The following PRDM5 variants were observed in gnomAD, a reference collection of about 807,000 sequenced individuals.
PRDM5 encodes PR domain zinc finger protein 5.
In PRDM5, 56 loss-of-function variants were observed where a neutral mutation model predicts 81.2. That is an observed-to-expected ratio of 0.69 (90% CI 0.56 to 0.86). The LOEUF is 0.86. PRDM5 is among the 40% of genes least tolerant of loss of function. PRDM5 has a pLI of 0.00. For synonymous variants in PRDM5, 267 were observed against 256.4 expected (o/e 1.04, Z -0.39); for missense variants, 697 against 770.1 (o/e 0.91, Z 1.12).
At chr4:120,699,797 C>T (rs1288306530) in intron 15 of PRDM5, among the ~76,000 whole-genome samples, 1 of 152,068 alleles carries the variant, frequency 6.6e-6, no homozygotes, top group Admixed American at 6.6e-5. Context: ...ATATTTCATG[C>T]TTAGAGATTG....
At chr4:120,705,928 G>A (rs1474803615) in intron 15 of PRDM5, among the ~76,000 whole-genome samples, 4 of 152,152 alleles carry the variant, frequency 2.6e-5, no homozygotes, top group Middle Eastern at 3.2e-3. Flanking sequence ...TGGATTAGAT[G>A]TAGGGTGTGA....
chr4:120,749,890 T>C (rs1024697636), intron 14 of PRDM5, among the ~76,000 whole-genome samples: 1 of 152,122 alleles, frequency 6.6e-6, no homozygotes, highest in African/African-American at 2.4e-5. Flanking sequence ...CTCTTTCTCA[T>C]GCCCCAAACC....
chr4:120,719,198 T>C (rs920609007), intron 14 of PRDM5, among the ~76,000 whole-genome samples: 4 of 152,198 alleles, frequency 2.6e-5, no homozygotes, highest in Non-Finnish European at 5.9e-5. Flanking sequence ...TTCCACCCAG[T>C]TGTGACAACC....
At chr4:120,746,386 G>C (rs1193435564) in intron 14 of PRDM5, among the ~76,000 whole-genome samples, 9 of 146,668 alleles carry the variant, frequency 6.1e-5, no homozygotes, top group Non-Finnish European at 1.2e-4. Flanking sequence ...AGGACTTCAT[G>C]TCTAAAACAC....
At chr4:120,815,014 A>T (rs919371192) in intron 7 of PRDM5, among the ~76,000 whole-genome samples, 2 of 152,244 alleles carry the variant, frequency 1.3e-5, no homozygotes, top group African/African-American at 4.8e-5. Context: ...CATTGTGCTT[A>T]TAGCACAGCC....
At chr4:120,810,333 A>G (rs1305212323) in intron 8 of PRDM5, 1 of 152,162 alleles carries the variant, frequency 6.6e-6, no homozygotes, top group Non-Finnish European at 1.5e-5. Flanking sequence ...TTGTCTCTGC[A>G]GAAGATGAAC....
At position 120,905,395 on chromosome 4, in the gene PRDM5, T is replaced by C. The variant is rs556467016; in HGVS notation, c.177+2079A>G. Among the ~76,000 whole-genome samples, 4 of 152,234 alleles carry C rather than the reference T, an allele frequency of 2.6e-5. No individual in the cohort carries two copies. In the South Asian group the frequency reaches 8.3e-4, roughly 32 times the overall value. ...CGCTGATATAGCAGTAAAGGTATTTTGTAGATGCGGTTAACATCTAACAAT... is the reference window on the plus strand; with the variant it reads ...CGCTGATATAGCAGTAAAGGTATTTCGTAGATGCGGTTAACATCTAACAAT... On this transcript the variant is annotated intron_variant, in intron 2 of 15. Transcript: ENST00000264808.
intron 14 of PRDM5, among the ~76,000 whole-genome samples, chr4:120,748,644 A>C (rs1225207026): frequency 6.8e-6 from 1 of 146,486 alleles, no homozygotes; most frequent in Admixed American, 6.8e-5. Context: ...CTCTCTCTCA[A>C]AAAAAAAAAA....
chr4:120,711,300 A>G (rs1389265997), intron 14 of PRDM5, among the ~76,000 whole-genome samples: 1 of 151,838 alleles, frequency 6.6e-6, no homozygotes, highest in Non-Finnish European at 1.5e-5. Flanking sequence ...TGATTTATGT[A>G]TTTCCTTTTT....
intron 10 of PRDM5, among the ~76,000 whole-genome samples, chr4:120,796,306 C>A (rs1340427584): frequency 6.6e-6 from 1 of 152,142 alleles, no homozygotes; most frequent in Non-Finnish European, 1.5e-5. Flanking sequence ...GTAAGAAATA[C>A]ATTTGTCTAG....
At chr4:120,778,447 C>T (rs1188814652) in intron 12 of PRDM5, among the ~76,000 whole-genome samples, 2 of 152,032 alleles carry the variant, frequency 1.3e-5, no homozygotes, top group Non-Finnish European at 2.9e-5. Context: ...ATCAAAGAAC[C>T]ATCACCATAG....
Position 120,742,199 on chromosome 4 carries a change from C to A in PRDM5, c.1623+12354G>T, listed in dbSNP as rs368648786. On this transcript the variant is annotated intron_variant, in intron 14 of 15. Transcript: ENST00000264808. ...CACCTCACACTGCAGGGTACTCCAA[C>A]AGACCTGAAGCTGAGGGTCTTGTCT... 3.9e-5 allele frequency among the ~76,000 whole-genome samples: 6 copies of A among 152,176 alleles called. No homozygotes were observed. In the East Asian group the frequency reaches 1.2e-3, roughly 29 times the overall value.
At chr4:120,737,694 G>A (rs1430185915) in intron 14 of PRDM5, among the ~76,000 whole-genome samples, 2 of 152,162 alleles carry the variant, frequency 1.3e-5, no homozygotes, top group African/African-American at 4.8e-5. Flanking sequence ...AGAAGGAATT[G>A]CTGATTAGAA....
At chr4:120,866,032 C>G (rs1277336938) in intron 2 of PRDM5, among the ~76,000 whole-genome samples, 1 of 152,230 alleles carries the variant, frequency 6.6e-6, no homozygotes, top group Non-Finnish European at 1.5e-5. Context: ...AACTCAAAAT[C>G]TATCTTCGAA....
chr4:120,891,885 C>G (rs973007833), intron 2 of PRDM5, among the ~76,000 whole-genome samples: 1 of 152,180 alleles, frequency 6.6e-6, no homozygotes, highest in African/African-American at 2.4e-5. Context: ...CTGCCTCGGT[C>G]TCCCAAAGTA....
At chr4:120,799,028 C>T (rs1751738820) in intron 9 of PRDM5, among the ~76,000 whole-genome samples, 1 of 152,152 alleles carries the variant, frequency 6.6e-6, no homozygotes, top group African/African-American at 2.4e-5. Context: ...TATTCAAAAA[C>T]ATTCTGACTT....
rs566086127 is a variant in PRDM5, at chr4:120,804,370, T to C, written c.946-4625A>G. Among the ~76,000 whole-genome samples, 554 of 151,864 alleles carry C rather than the reference T, an allele frequency of 3.6e-3. 3 individuals are homozygous for C. Among genetic ancestry groups the C allele is most frequent in the African/African-American group, 0.013 (531 of 41,148 alleles). ...CAGACCTAATAGACATCTACAGAAC[T>C]CTCCACCCCAAATCAACAGAACATA... On this transcript the variant is annotated intron_variant, in intron 8 of 15. Transcript: ENST00000264808.
intron 14 of PRDM5, among the ~76,000 whole-genome samples, chr4:120,746,708 G>A (rs1390515017): frequency 1.4e-5 from 2 of 148,054 alleles, no homozygotes; most frequent in African/African-American, 5.1e-5. Flanking sequence ...GGCCATCAGA[G>A]AAATGCAAAT....
intron 2 of PRDM5, among the ~76,000 whole-genome samples, chr4:120,900,072 C>T (rs745666084): frequency 2.6e-5 from 4 of 152,178 alleles, no homozygotes; most frequent in South Asian, 2.1e-4. Context: ...ATGCCCTCTC[C>T]GGGTGCACCA....
Sources: gnomAD v4.1 joint callset for allele counts (sites outside exome capture counted in the v4.1 genomes callset) on GRCh38, gnomAD v4.1.1 for gene constraint, MANE v1.5 for transcripts, NCBI Gene and HGNC (gene_info 2026-07-23, HGNC 2026-07-21) for gene names.